Variants in NELL2 observed in about 807,000 individuals in gnomAD.
NELL2 encodes the protein protein kinase C-binding protein NELL2.
A neutral mutation model predicts 109.6 loss-of-function variants in NELL2; 41 were observed. The observed-to-expected ratio is 0.37, with a 90% CI of 0.29 to 0.49. NELL2 has a LOEUF of 0.49. Ranked by LOEUF, NELL2 falls within the 20% of genes least tolerant of loss-of-function variation. The pLI is 0.98. For missense variants in NELL2, 900 were observed against 1,008.3 expected (o/e 0.89, Z 1.45); for synonymous variants, 355 against 344.7 (o/e 1.03, Z -0.33).
intron 12 of NELL2, among the ~76,000 whole-genome samples, chr12:44,684,339 T>A (rs1948636775): frequency 6.6e-6 from 1 of 152,336 alleles, no homozygotes; most frequent in Middle Eastern, 3.4e-3. Flanking sequence ...TAGTGGTCTA[T>A]CAATTTTGTT....
intron 2 of NELL2, among the ~76,000 whole-genome samples, chr12:44,827,604 C>T (rs1384713973): frequency 6.6e-6 from 1 of 152,068 alleles, no homozygotes; most frequent in African/African-American, 2.4e-5. Flanking sequence ...ACTTCTTTCA[C>T]TTAACATAAA....
At chr12:44,726,735 T>C (rs543587740) in intron 9 of NELL2, among the ~76,000 whole-genome samples, 1 of 152,250 alleles carries the variant, frequency 6.6e-6, no homozygotes, top group Non-Finnish European at 1.5e-5. Flanking sequence ...AACAGTACTT[T>C]TTTAGTAATT....
chr12:44,684,162 G>A (rs898231420), intron 12 of NELL2, among the ~76,000 whole-genome samples: 6 of 152,100 alleles, frequency 3.9e-5, no homozygotes, highest in African/African-American at 1.2e-4. Flanking sequence ...TGCATGTGTC[G>A]AGGAATTTAT....
chr12:44,521,725 GTCTTT>G (rs965648092), intron 18 of NELL2, among the ~76,000 whole-genome samples: 11 of 152,102 alleles, frequency 7.2e-5, no homozygotes, highest in African/African-American at 2.7e-4. Context: ...AGCTAGGAGA[GTCTTT>G]TCTTTTGAGC....
chr12:44,708,461 A>C (rs1294509573), intron 11 of NELL2, among the ~76,000 whole-genome samples: 2 of 152,190 alleles, frequency 1.3e-5, no homozygotes, highest in African/African-American at 4.8e-5. Context: ...TTCAGATGTG[A>C]ACACACCATC....
Position 44,788,135 on chromosome 12 carries a change from G to C in NELL2, c.336-8113C>G, listed in dbSNP as rs140162095. Among the ~76,000 whole-genome samples the C allele has an allele frequency of 1.6e-3, 241 of 152,262 alleles. 2 individuals carry two copies. The highest frequency in any genetic ancestry group is 4.3e-3 in the Admixed American group (66 of 15,296). On this transcript the variant is annotated intron_variant, in intron 3 of 19. Coordinates refer to ENST00000429094, the MANE Select transcript of NELL2 (RefSeq NM_001145108.2). The stretch of plus-strand genomic sequence containing the variant: ...TAAAAAAAAGAACGTGGGGAGAATG[G>C]TATCATTATGGCGATGGGAGGCAGG...
upstream of NELL2, chr12:44,877,241 A>G (rs1419436865): frequency 1.3e-5 from 2 of 152,476 alleles, no homozygotes; most frequent in East Asian, 3.9e-4. Context: ...CCCACTGTTG[A>G]CCACACTCAT....
In NELL2 at chr12:44,508,315, AGAACGAGCTTATACT is replaced by A. The variant is rs1940821666; in HGVS notation, c.*604_*618del. On this transcript the variant is annotated 3_prime_UTR_variant, in exon 20 of 20. Transcript: ENST00000429094. ...AGAAATATTTATTTAATTTTGCACA[AGAACGAGCTTATACT>A]GAACAAATTCAACCAAATAATATTA... The A allele has an allele frequency of 6.6e-6, 1 of 152,644 alleles. No individual in the cohort carries two copies. Among genetic ancestry groups the A allele is most frequent in the Admixed American group, 6.5e-5 (1 of 15,274 alleles). The allele number at this position is 152,644 out of a possible 1,614,324, so 9.5% of individuals were successfully genotyped here.
intron 13 of NELL2, among the ~76,000 whole-genome samples, chr12:44,646,270 A>G (rs1340997800): frequency 6.6e-6 from 1 of 152,192 alleles, no homozygotes; most frequent in Non-Finnish European, 1.5e-5. Flanking sequence ...AGAGTTAAGC[A>G]ACTTCCAAAA....
chr12:44,523,124 A>C, intron 17 of NELL2, 167 bp downstream of exon 17: 1 of 717,326 alleles, frequency 1.4e-6, no homozygotes, highest in South Asian at 1.9e-5. Context: ...CTAACTAGGA[A>C]AGAACATAGG....
chr12:44,764,739 A>C (rs1941260481), intron 9 of NELL2, among the ~76,000 whole-genome samples: 1 of 152,206 alleles, frequency 6.6e-6, no homozygotes, highest in African/African-American at 2.4e-5. Flanking sequence ...ATTGGGAGCC[A>C]TTATGAGAAA....
At position 44,891,246 on chromosome 12, in the gene NELL2, T is replaced by A. The variant is rs567341434; in HGVS notation, c.39-15346A>T. On this transcript the variant is annotated intron_variant, in intron 1 of 20. Transcript: ENST00000333837. ...TTTTGAGTTTACTAGGCCTACCAGC[T>A]ATCCAAATAACAATTTCAAATAGAC... is the stretch of plus-strand genomic sequence containing the variant. 1.8e-4 allele frequency among the ~76,000 whole-genome samples: 27 copies of A among 152,300 alleles called. 1 individual carries two copies. The South Asian group carries it at 5.6e-3, about 32-fold the overall frequency.
intron 13 of NELL2, among the ~76,000 whole-genome samples, chr12:44,650,322 G>T (rs1162344079): frequency 1.4e-5 from 2 of 145,910 alleles, no homozygotes; most frequent in Non-Finnish European, 3.0e-5. Flanking sequence ...TTTTGATACA[G>T]CTTCTCAAAA....
intron 2 of NELL2, among the ~76,000 whole-genome samples, chr12:44,837,541 C>T (rs755337958): frequency 3.9e-5 from 6 of 152,158 alleles, no homozygotes; most frequent in Non-Finnish European, 5.9e-5. Flanking sequence ...GCCAGATGAG[C>T]GTATGACAGG....
chr12:44,745,042 C>T (rs563759291), intron 9 of NELL2, among the ~76,000 whole-genome samples: 18 of 152,270 alleles, frequency 1.2e-4, no homozygotes, highest in South Asian at 4.2e-4. Flanking sequence ...AACATCAATG[C>T]GAAAATCCTA....
intron 1 of NELL2, among the ~76,000 whole-genome samples, chr12:44,894,104 A>G (rs950780609): frequency 4.6e-5 from 7 of 152,244 alleles, no homozygotes; most frequent in Non-Finnish European, 1.0e-4. Context: ...ATTAAAATGG[A>G]GAATTGTTAA....
intron 13 of NELL2, among the ~76,000 whole-genome samples, chr12:44,631,891 G>T (rs998218732): frequency 6.6e-6 from 1 of 151,792 alleles, no homozygotes; most frequent in Non-Finnish European, 1.5e-5. Context: ...ACTACAGACT[G>T]GTATATCTTA....
chr12:44,806,881 T>C (rs1943018409), intron 3 of NELL2, among the ~76,000 whole-genome samples: 1 of 151,734 alleles, frequency 6.6e-6, no homozygotes, highest in South Asian at 2.1e-4. Flanking sequence ...TAAGATTATA[T>C]TTCAAATGAG....
At chr12:44,797,814 T>C (rs2008689) in intron 3 of NELL2, among the ~76,000 whole-genome samples, 18,310 of 143,146 alleles carry the variant, frequency 0.13, 1,658 homozygotes, top group East Asian at 0.37. Context: ...TTTTATTCCA[T>C]CATTCCATCT....
Sources: allele counts gnomAD v4.1 joint callset (sites outside exome capture counted in the v4.1 genomes callset), GRCh38; gene constraint gnomAD v4.1.1; transcripts MANE v1.5; gene names NCBI Gene and HGNC (gene_info 2026-07-23, HGNC 2026-07-21).